RACGAP1: variants seen among roughly 807,000 people sequenced by gnomAD.
RACGAP1 encodes Rac GTPase activating protein 1.
Under a neutral mutation model 78.1 loss-of-function variants are expected in RACGAP1, and 30 were observed. The observed-to-expected ratio is 0.38, with a 90% CI of 0.29 to 0.52. The LOEUF is 0.52. RACGAP1 is among the 20% of genes least tolerant of loss of function. The pLI is 0.82. For synonymous variants in RACGAP1, 231 were observed against 264.8 expected (o/e 0.87, Z 1.24); for missense variants, 587 against 777.1 (o/e 0.76, Z 2.91).
intron 7 of RACGAP1, among the ~76,000 whole-genome samples, chr12:50,000,434 C>T (rs59639956): frequency 0.072 from 10,933 of 151,940 alleles, 1,314 homozygotes; most frequent in African/African-American, 0.25. Flanking sequence ...GGATTACAGG[C>T]GTGAGCCACC....
intron 2 of RACGAP1, among the ~76,000 whole-genome samples, chr12:50,010,282 T>A (rs975899703): frequency 6.6e-6 from 1 of 152,000 alleles, no homozygotes; most frequent in Non-Finnish European, 1.5e-5. Context: ...TTCATTCTGA[T>A]CTTCCTGTAA....
intron 16 of RACGAP1, 87 bp downstream of exon 16, chr12:49,990,597 C>A: frequency 9.0e-7 from 1 of 1,111,392 alleles, no homozygotes; most frequent in Non-Finnish European, 1.3e-6. Context: ...AAATCGAATG[C>A]AATTTTTCTT....
chr12:49,996,932 G>A, intron 10 of RACGAP1, 108 bp downstream of exon 10: 1 of 1,361,132 alleles, frequency 7.3e-7, no homozygotes, highest in Non-Finnish European at 9.5e-7. Flanking sequence ...CATTATTTGT[G>A]GAAAGAAATA....
chr12:50,032,220 A>C (rs556585056), intron 1 of RACGAP1, among the ~76,000 whole-genome samples: 1 of 152,332 alleles, frequency 6.6e-6, no homozygotes, highest in East Asian at 1.9e-4. Flanking sequence ...TTATCCTTAT[A>C]AAACACTTAG....
At chr12:50,010,318 C>CTTTTTTTTTTTTT in intron 2 of RACGAP1, among the ~76,000 whole-genome samples, 1 of 142,674 alleles carries the variant, frequency 7.0e-6, no homozygotes, top group African/African-American at 2.6e-5. Context: ...CTTTTTTTAA[C>CTTTTTTTTTTTTT]TTTTTTTTTT....
At chr12:49,999,114 A>G (rs756120669) in intron 9 of RACGAP1, 27 bp downstream of exon 9, 3 of 1,562,408 alleles carry the variant, frequency 1.9e-6, no homozygotes, top group African/African-American at 2.8e-5. Flanking sequence ...TAAAAAATTA[A>G]AACACAAACA....
chr12:50,025,319 A>C, intron 1 of RACGAP1, 79 bp downstream of exon 1: 1 of 985,528 alleles, frequency 1.0e-6, no homozygotes, highest in Non-Finnish European at 1.2e-6. Context: ...CGCGGCGGCC[A>C]CGGCTCACCA....
At chr12:50,016,284 G>A (rs923097210) in intron 2 of RACGAP1, among the ~76,000 whole-genome samples, 4 of 152,108 alleles carry the variant, frequency 2.6e-5, no homozygotes, top group African/African-American at 9.7e-5. Flanking sequence ...TCGAGAGGCT[G>A]AGACAAGGAA....
At chr12:50,026,220 G>A (rs7303531), upstream of RACGAP1, among the ~76,000 whole-genome samples, 13,382 of 152,032 alleles carry the variant, frequency 0.088, 685 homozygotes, top group South Asian at 0.15. Context: ...CTTACTACAT[G>A]CAAAGTACCC....
intron 8 of RACGAP1, 77 bp downstream of exon 8, chr12:49,999,539 A>G: frequency 1.5e-6 from 2 of 1,292,838 alleles, no homozygotes; most frequent in Non-Finnish European, 2.2e-6. Flanking sequence ...CCGCCTCCAG[A>G]GGGTTCTAAG....
chr12:50,026,072 C>A (rs567587367), upstream of RACGAP1, among the ~76,000 whole-genome samples: 106 of 152,310 alleles, frequency 7.0e-4, no homozygotes, highest in African/African-American at 2.5e-3. Context: ...AAATAAAATA[C>A]TATAATTCCA....
chr12:50,031,262 A>C (rs897203181), intron 2 of RACGAP1, among the ~76,000 whole-genome samples: 1 of 150,386 alleles, frequency 6.6e-6, no homozygotes, highest in Non-Finnish European at 1.5e-5. Flanking sequence ...GGATCATTTG[A>C]GGTCAGGAGT....
chr12:49,990,071 T>C lies in RACGAP1; in HGVS notation c.*197A>G. 1 of 472,358 alleles carries C rather than the reference T, an allele frequency of 2.1e-6. No homozygotes were observed. Among genetic ancestry groups the C allele is most frequent in the Non-Finnish European group, 3.8e-6 (1 of 263,532 alleles). 29.3% of individuals were successfully genotyped at this position (472,358 alleles called of 1,614,324 possible). Reference sequence around the variant, plus strand: ...GCTCCCAACAATGACCAGCACAAAGTGCTGATATTATGTGACTTGAGGAGA... The same window carrying C: ...GCTCCCAACAATGACCAGCACAAAGCGCTGATATTATGTGACTTGAGGAGA... On this transcript the variant is annotated 3_prime_UTR_variant, in exon 17 of 17. Transcript: ENST00000312377.
chr12:50,015,135 C>T (rs1489928819), intron 2 of RACGAP1, among the ~76,000 whole-genome samples: 1 of 151,968 alleles, frequency 6.6e-6, no homozygotes, highest in Non-Finnish European at 1.5e-5. Flanking sequence ...CCATCTCAGC[C>T]CTGCAAAGTG....
Position 49,999,275 on chromosome 12 carries a change from G to C in RACGAP1, c.749-4C>G, listed in dbSNP as rs753891049. ...CTGTTCCAAGGTTGTAAAGTACCTAGAAAACAAGCAACTTTTAAGCTTTGT... is the reference window on the plus strand; with the variant it reads ...CTGTTCCAAGGTTGTAAAGTACCTACAAAACAAGCAACTTTTAAGCTTTGT... On this transcript the variant is annotated splice_region_variant and splice_polypyrimidine_tract_variant and intron_variant, in intron 8 of 16. Coordinates refer to ENST00000312377, the MANE Select transcript of RACGAP1 (RefSeq NM_001319999.2). The C allele has an allele frequency of 3.1e-6, 5 of 1,593,478 alleles. No homozygotes were observed. Among genetic ancestry groups the C allele is most frequent in the African/African-American group, 2.7e-5 (2 of 73,532 alleles).
chr12:50,004,207 T>TA, intron 5 of RACGAP1, 28 bp downstream of exon 5: 1 of 1,588,152 alleles, frequency 6.3e-7, no homozygotes, highest in Non-Finnish European at 8.6e-7. Flanking sequence ...GAAAAGTAGG[T>TA]AATTCTCAGA....
chr12:50,030,061 C>T (rs73119681), upstream of RACGAP1, among the ~76,000 whole-genome samples: 16,225 of 151,498 alleles, frequency 0.11, 1,096 homozygotes, highest in South Asian at 0.29. Context: ...ACTGGAGGCC[C>T]GGAGTTCAAG....
chr12:49,994,246 G>A lies in RACGAP1; in HGVS notation c.1224C>T (p.Leu408=), dbSNP rs781143719. Residue 408 remains leucine (L), a synonymous_variant, in exon 12 of 17, where the codon CTC becomes CTT. Coordinates refer to ENST00000312377, the MANE Select transcript of RACGAP1 (RefSeq NM_001319999.2). ...EKFLRVKTVP[L]LSKVDDIHAI... is the part of the protein sequence containing the mutation. ...CATGGATATCATCCACTTTGCTGAG[G>A]AGGGGTACAGTTTTCACTCTGAGGA... 11 of 1,614,156 alleles carry A rather than the reference G, an allele frequency of 6.8e-6. No individual in the cohort carries two copies. Among genetic ancestry groups the A allele is most frequent in the South Asian group, 3.3e-5 (3 of 91,090 alleles).
intron 8 of RACGAP1, 154 bp downstream of exon 8, chr12:49,999,462 G>A: frequency 2.0e-6 from 2 of 977,556 alleles, no homozygotes; most frequent in South Asian, 3.3e-5. Flanking sequence ...CAAAGGTAAA[G>A]CATGACACAA....
Sources: allele counts gnomAD v4.1 joint callset (sites outside exome capture counted in the v4.1 genomes callset), GRCh38; gene constraint gnomAD v4.1.1; transcripts MANE v1.5; gene names NCBI Gene and HGNC (gene_info 2026-07-23, HGNC 2026-07-21).